Variants in ADAM2 observed in about 807,000 individuals in gnomAD.
ADAM2 encodes the protein disintegrin and metalloproteinase domain-containing protein 2.
ADAM2 carries 101 observed loss-of-function variants against 99.3 expected under a neutral mutation model. The observed-to-expected ratio is 1.02, with a 90% CI of 0.87 to 1.20. The LOEUF is 1.20. Ranked by LOEUF, ADAM2 falls within the 50% of genes most tolerant of loss-of-function variation. The pLI, the probability that ADAM2 is intolerant of heterozygous loss-of-function variation, is 0.00. For missense variants in ADAM2, 948 were observed against 878.7 expected (o/e 1.08, Z -1.00); for synonymous variants, 323 against 287.6 (o/e 1.12, Z -1.25).
intron 9 of ADAM2, among the ~76,000 whole-genome samples, 165 bp downstream of exon 9, chr8:39,787,920 A>G (rs1451412504): frequency 6.6e-6 from 1 of 151,796 alleles, no homozygotes; most frequent in Non-Finnish European, 1.5e-5. Flanking sequence ...AAATAAATTG[A>G]TATCAGTAAT....
chr8:39,801,057 T>C (rs911608119), intron 7 of ADAM2, among the ~76,000 whole-genome samples: 2 of 152,178 alleles, frequency 1.3e-5, no homozygotes, highest in Non-Finnish European at 2.9e-5. Context: ...GTGCCCTTGA[T>C]GGAGAGACAC....
chr8:39,788,127 G>A lies in ADAM2; in HGVS notation c.767C>T (p.Ser256Phe), dbSNP rs1411703210. ...LLHTFLRWKTSYLVLRPHDVA... is the reference protein window; with the variant it reads ...LLHTFLRWKTFYLVLRPHDVA... Reference sequence around the variant, plus strand: ...ATCATGAGGACGTAAAACAAGATAAGATGTTTTCCATCTTAAAAATGTGTG... The same window carrying A: ...ATCATGAGGACGTAAAACAAGATAAAATGTTTTCCATCTTAAAAATGTGTG... Residue 256 changes from serine to phenylalanine, a missense_variant, in exon 9 of 21, where the codon TCT (serine) becomes TTT (phenylalanine). Physicochemically the swap from Ser to Phe is radical, Grantham distance 155 (BLOSUM62 -2). Transcript: ENST00000265708. 6.4e-7 allele frequency: 1 copy of A among 1,573,176 alleles called. No homozygotes were observed.
rs1199889123 is a variant in ADAM2 at position 39,821,046 on chromosome 8, C to A, written c.469G>T (p.Asp157Tyr). Residue 157 changes from aspartate to tyrosine, a missense_variant, in exon 6 of 21, where the codon GAT (aspartate) becomes TAT (tyrosine). Transcript: ENST00000265708. ...KADVSLYNEK[D>Y]IESRDLSFKL... The stretch of plus-strand genomic sequence containing the variant: ...AAGGACAGATCTCTTGATTCAATAT[C>A]CTTCTCATTATATAAGGAAACATCT... 1.2e-6 allele frequency: 2 copies of A among 1,605,212 alleles called. No individual in the cohort carries two copies. The highest frequency in any genetic ancestry group is 1.7e-6 in the Non-Finnish European group (2 of 1,174,682).
intron 3 of ADAM2, among the ~76,000 whole-genome samples, chr8:39,825,332 T>C (rs1805355898): frequency 6.6e-6 from 1 of 152,218 alleles, no homozygotes; most frequent in African/African-American, 2.4e-5. Flanking sequence ...TCTATAGTTT[T>C]TGCCCAAGCA....
At chr8:39,794,301 G>A (rs1186219136) in intron 7 of ADAM2, among the ~76,000 whole-genome samples, 1 of 152,136 alleles carries the variant, frequency 6.6e-6, no homozygotes, top group East Asian at 1.9e-4. Context: ...AAGAAAATAA[G>A]TGTTTATATA....
At chr8:39,761,106 A>T in intron 15 of ADAM2, 70 bp downstream of exon 15, 1 of 969,000 alleles carries the variant, frequency 1.0e-6, no homozygotes, top group Non-Finnish European at 1.5e-6. Context: ...ACATAAACTT[A>T]ATTGTTTGAT....
At chr8:39,814,853 A>G (rs1286517025) in intron 6 of ADAM2, among the ~76,000 whole-genome samples, 1 of 150,720 alleles carries the variant, frequency 6.6e-6, no homozygotes, top group Non-Finnish European at 1.5e-5. Context: ...TATATGTAAT[A>G]TATATATTAT....
intron 6 of ADAM2, among the ~76,000 whole-genome samples, chr8:39,810,527 G>A (rs1804652917): frequency 6.6e-6 from 1 of 152,148 alleles, no homozygotes; most frequent in African/African-American, 2.4e-5. Flanking sequence ...TGACCACATA[G>A]TTGGAAGTGA....
intron 6 of ADAM2, among the ~76,000 whole-genome samples, chr8:39,812,301 C>G (rs1484730953): frequency 7.9e-5 from 12 of 152,184 alleles, no homozygotes; most frequent in Non-Finnish European, 1.3e-4. Context: ...GAAGAACATT[C>G]CATGCTCATG....
chr8:39,802,138 G>T (rs893346443), intron 7 of ADAM2, among the ~76,000 whole-genome samples: 1 of 152,208 alleles, frequency 6.6e-6, no homozygotes, highest in Admixed American at 6.5e-5. Flanking sequence ...TCACAAGTGG[G>T]ATCCATGGGT....
At chr8:39,810,202 T>A (rs1459443998) in intron 6 of ADAM2, among the ~76,000 whole-genome samples, 1 of 152,220 alleles carries the variant, frequency 6.6e-6, no homozygotes, top group East Asian at 1.9e-4. Flanking sequence ...CATTACATAA[T>A]GGTAAAGTGA....
intron 10 of ADAM2, among the ~76,000 whole-genome samples, chr8:39,782,908 G>A (rs369501060): frequency 1.3e-4 from 19 of 151,958 alleles, no homozygotes; most frequent in East Asian, 3.9e-4. Flanking sequence ...ACTTTATAGC[G>A]TCTCTTAGCT....
intron 3 of ADAM2, among the ~76,000 whole-genome samples, chr8:39,826,286 C>T (rs950801312): frequency 2.6e-5 from 4 of 152,056 alleles, no homozygotes; most frequent in Admixed American, 6.5e-5. Context: ...AATAAAACAA[C>T]GCATTTACAG....
At chr8:39,777,541 G>A (rs1167062684) in intron 10 of ADAM2, among the ~76,000 whole-genome samples, 1 of 152,064 alleles carries the variant, frequency 6.6e-6, no homozygotes, top group Admixed American at 6.6e-5. Context: ...GGGAAGGGTA[G>A]TACAAAGTGG....
intron 6 of ADAM2, among the ~76,000 whole-genome samples, chr8:39,819,124 A>T (rs1013001137): frequency 1.3e-5 from 2 of 152,104 alleles, no homozygotes; most frequent in African/African-American, 4.8e-5. Context: ...ACCAATTCCA[A>T]ATCTTACTAC....
At chr8:39,767,969 G>T (rs990032265) in intron 12 of ADAM2, among the ~76,000 whole-genome samples, 12 of 151,318 alleles carry the variant, frequency 7.9e-5, no homozygotes, top group African/African-American at 2.9e-4. Flanking sequence ...GGGTAAATTG[G>T]AAAAAGAAAT....
chr8:39,758,998 A>C (rs1802254455), intron 15 of ADAM2, among the ~76,000 whole-genome samples: 2 of 152,174 alleles, frequency 1.3e-5, no homozygotes, highest in Middle Eastern at 3.2e-3. Context: ...AGTCAATAAT[A>C]CAGTTAGAAA....
intron 3 of ADAM2, among the ~76,000 whole-genome samples, chr8:39,826,511 C>T (rs1043419995): frequency 6.6e-6 from 1 of 151,700 alleles, no homozygotes; most frequent in African/African-American, 2.4e-5. Flanking sequence ...ATCACGAGGT[C>T]GGGAGATTGA....
intron 7 of ADAM2, among the ~76,000 whole-genome samples, chr8:39,791,122 A>C (rs1002109102): frequency 1.3e-5 from 2 of 152,074 alleles, no homozygotes; most frequent in Admixed American, 1.3e-4. Flanking sequence ...CATGTTAATA[A>C]ACTAAAACCT....
Sources: allele counts gnomAD v4.1 joint callset (sites outside exome capture counted in the v4.1 genomes callset), GRCh38; gene constraint gnomAD v4.1.1; transcripts MANE v1.5; gene names NCBI Gene and HGNC (gene_info 2026-07-23, HGNC 2026-07-21).